The following EPM2A variants were observed in gnomAD, a reference collection of about 807,000 sequenced individuals.
The protein encoded by EPM2A is EPM2A glucan phosphatase, laforin.
EPM2A carries 21 observed loss-of-function variants against 26.5 expected under a neutral mutation model. The observed-to-expected ratio is 0.79, with a 90% CI of 0.56 to 1.14. The LOEUF (loss-of-function observed/expected upper bound fraction) is 1.14. Among genes scored for constraint, EPM2A ranks in the 50% most tolerant of loss-of-function variants. EPM2A has a pLI of 0.00. For missense variants in EPM2A, 458 were observed against 440.8 expected, an observed-to-expected ratio of 1.04 and a Z score of -0.35; for synonymous variants, 217 against 177.6, an observed-to-expected ratio of 1.22 and a Z score of -1.76.
At chr6:145,518,953 AG>A (rs1780168314) in intron 2 of EPM2A, among the ~76,000 whole-genome samples, 1 of 151,988 alleles carries the variant, frequency 6.6e-6, no homozygotes, top group Non-Finnish European at 1.5e-5. Flanking sequence ...TGAGAGAGAA[AG>A]AGTAAAGTTT....
intron 4 of EPM2A, among the ~76,000 whole-genome samples, chr6:145,457,606 T>C (rs936496212): frequency 6.6e-6 from 1 of 152,226 alleles, no homozygotes; most frequent in Non-Finnish European, 1.5e-5. Context: ...TTAATTTTTA[T>C]TGAATGTATA....
intron 2 of EPM2A, among the ~76,000 whole-genome samples, chr6:145,604,156 G>T (rs1781453186): frequency 6.6e-6 from 1 of 152,032 alleles, no homozygotes; most frequent in South Asian, 2.1e-4. Context: ...AACTTGAATA[G>T]CCATTAAAAA....
At chr6:145,500,723 A>G (rs1208523101), downstream of EPM2A, among the ~76,000 whole-genome samples, 1 of 152,190 alleles carries the variant, frequency 6.6e-6, no homozygotes, top group African/African-American at 2.4e-5. Flanking sequence ...CTTACCTTCT[A>G]TGAATGAGCA....
chr6:145,623,393 C>T (rs1360707147), downstream of EPM2A, among the ~76,000 whole-genome samples: 1 of 152,096 alleles, frequency 6.6e-6, no homozygotes, highest in Non-Finnish European at 1.5e-5. Context: ...AAGAGTGAGC[C>T]ATGTGCATAC....
rs1779882770 is a variant in EPM2A at position 145,674,560 on chromosome 6, G to A, written c.476+11562C>T. Among the ~76,000 whole-genome samples, 3 of 152,190 alleles carry A rather than the reference G, an allele frequency of 2.0e-5. No individual in the cohort carries two copies. The South Asian group carries it at 6.2e-4, about 32-fold the overall frequency. ...AACCTTGAAAAAAGGTTAGACAAAT[G>A]GCTAACTAATAAACAGTGTAGAAAA... On this transcript the variant is annotated intron_variant, in intron 2 of 3. Coordinates refer to ENST00000367519, the MANE Select transcript of EPM2A (RefSeq NM_005670.4).
chr6:145,609,185 C>T (rs2128551650), intron 2 of EPM2A, among the ~76,000 whole-genome samples: 1 of 152,286 alleles, frequency 6.6e-6, no homozygotes, highest in Non-Finnish European at 1.5e-5. Flanking sequence ...TTTGATCGGA[C>T]TCTATGCTGA....
Position 145,410,046 on chromosome 6 carries a change from T to C in EPM2A, c.556-25949A>G, listed in dbSNP as rs950512034. ...GCCCCAAAGGTCAGCCTTGATTCAA[T>C]ATGGGAGAAGGGTATAGATGTCGGG... On this transcript the variant is annotated intron_variant, in intron 4 of 4. Transcript: ENST00000638717. Among the ~76,000 whole-genome samples the C allele has an allele frequency of 3.3e-5, 5 of 152,276 alleles. No individual in the cohort carries two copies. The South Asian group carries it at 8.3e-4, about 25-fold the overall frequency.
rs79115570 is a variant in EPM2A, at chr6:145,490,502, C to T, written c.555+12020G>A. The T allele has an allele frequency of 7.4e-4, 535 of 720,208 alleles. 4 individuals are homozygous for T. In the African/African-American group the frequency reaches 8.4e-3, roughly 11 times the overall value. The allele number at this position is 720,208 out of a possible 1,614,324, so 44.6% of individuals were successfully genotyped here. A position where few individuals can be genotyped will look rare whatever the true frequency, so the allele number is the denominator to read the frequency against. On this transcript the variant is annotated intron_variant, in intron 4 of 4. Transcript: ENST00000638717. ...TGTTCTTTAAAATGTCCAGAACAGT[C>T]AAACTGCTTCTCACAGTACTGACAT...
intron 2 of EPM2A, among the ~76,000 whole-genome samples, chr6:145,554,397 G>C (rs1004532925): frequency 4.0e-5 from 6 of 151,268 alleles, no homozygotes; most frequent in Non-Finnish European, 8.8e-5. Context: ...TGGATAAATA[G>C]ATAGATAATA....
chr6:145,650,273 G>A lies in EPM2A; in HGVS notation c.477-14787C>T, dbSNP rs139404237. 1.2e-4 allele frequency among the ~76,000 whole-genome samples: 19 copies of A among 152,104 alleles called. No individual in the cohort carries two copies. The East Asian group carries it at 1.4e-3, about 11-fold the overall frequency. On this transcript the variant is annotated intron_variant, in intron 2 of 3. Transcript: ENST00000367519. The stretch of plus-strand genomic sequence containing the variant: ...CTCAAAAATATTGATGTCCTTGACC[G>A]GGTGCGGTGGCTCACACCTATAATC...
At position 145,735,399 on chromosome 6, in the gene EPM2A, G is replaced by A; in HGVS notation, c.100C>T (p.Pro34Ser). 2.4e-6 allele frequency: 3 copies of A among 1,238,712 alleles called. No homozygotes were observed. Among genetic ancestry groups the A allele is most frequent in the Admixed American group, 3.6e-5 (1 of 28,148 alleles). 76.7% of individuals were successfully genotyped at this position (1,238,712 alleles called of 1,614,324 possible). Reference protein sequence around the residue: ...GSRPELGRWEPRGAVRLRPAG... With the variant: ...GSRPELGRWESRGAVRLRPAG... Reference sequence around the variant, plus strand: ...GGCCTCAGGCGGACGGCACCGCGCGGCTCCCAACGCCCCAGCTCGGGCCGC... The same window carrying A: ...GGCCTCAGGCGGACGGCACCGCGCGACTCCCAACGCCCCAGCTCGGGCCGC... The change falls in exon 1 of 4, where the codon CCG (proline) becomes TCG (serine). Residue 34 changes from proline to serine, a missense_variant. Pro to Ser is a moderately conservative substitution (Grantham distance 74). Transcript: ENST00000367519.
intron 4 of EPM2A, among the ~76,000 whole-genome samples, chr6:145,456,329 C>T (rs1779262100): frequency 6.6e-6 from 1 of 152,046 alleles, no homozygotes; most frequent in Admixed American, 6.6e-5. Context: ...TAGTAGGTGC[C>T]AAATAAAATT....
intron 2 of EPM2A, among the ~76,000 whole-genome samples, chr6:145,562,371 A>C (rs1052677286): frequency 6.6e-6 from 1 of 152,166 alleles, no homozygotes; most frequent in Non-Finnish European, 1.5e-5. Flanking sequence ...AAGAAAAAAA[A>C]AGATTACAGT....
At chr6:145,624,915 T>C (rs1397246881), downstream of EPM2A, among the ~76,000 whole-genome samples, 2 of 152,228 alleles carry the variant, frequency 1.3e-5, no homozygotes, top group East Asian at 3.8e-4. Context: ...AGCAGAATGA[T>C]AGAAAGATAA....
chr6:145,467,911 A>C (rs965377308), intron 4 of EPM2A, among the ~76,000 whole-genome samples: 1 of 151,982 alleles, frequency 6.6e-6, no homozygotes, highest in Non-Finnish European at 1.5e-5. Flanking sequence ...CCCTATATGG[A>C]AATATTATTG....
intron 2 of EPM2A, among the ~76,000 whole-genome samples, chr6:145,596,295 T>C (rs957935798): frequency 2.6e-5 from 4 of 152,168 alleles, no homozygotes; most frequent in Non-Finnish European, 5.9e-5. Flanking sequence ...TGAATAAAAT[T>C]TGCTAACTTC....
Position 145,626,938 on chromosome 6 carries a change from T to A in EPM2A, c.*478A>T. On this transcript the variant is annotated 3_prime_UTR_variant, in exon 4 of 4. Transcript: ENST00000367519. Reference sequence around the variant, plus strand: ...TTTTGACCATAGTGAGCTCTTCTTTTGTAACGGTTCAGGCTTCTAACCTTA... The same window carrying A: ...TTTTGACCATAGTGAGCTCTTCTTTAGTAACGGTTCAGGCTTCTAACCTTA... 1 of 1,011,524 alleles carries A rather than the reference T, an allele frequency of 9.9e-7. No homozygotes were observed. The highest frequency in any genetic ancestry group is 1.2e-6 in the Non-Finnish European group (1 of 844,526). The allele number at this position is 1,011,524 out of a possible 1,614,324, so 62.7% of individuals were successfully genotyped here. A position where few individuals can be genotyped will look rare whatever the true frequency, so the allele number is the denominator to read the frequency against.
intron 2 of EPM2A, among the ~76,000 whole-genome samples, chr6:145,674,807 G>T (rs1779904624): frequency 6.6e-6 from 1 of 151,960 alleles, no homozygotes; most frequent in African/African-American, 2.4e-5. Flanking sequence ...ATCTACATTT[G>T]ATTGGTGTAC....
At chr6:145,496,849 T>C (rs1159706262), downstream of EPM2A, among the ~76,000 whole-genome samples, 2 of 151,560 alleles carry the variant, frequency 1.3e-5, no homozygotes, top group African/African-American at 4.8e-5. Flanking sequence ...GCCATTCTCC[T>C]GCCTCAGCCT....
Sources: gnomAD v4.1 joint callset for allele counts (sites outside exome capture counted in the v4.1 genomes callset) on GRCh38, gnomAD v4.1.1 for gene constraint, MANE v1.5 for transcripts, NCBI Gene and HGNC (gene_info 2026-07-23, HGNC 2026-07-21) for gene names.